The following GRIP1 variants were observed in gnomAD, a reference collection of about 807,000 sequenced individuals.
GRIP1 encodes glutamate receptor-interacting protein 1.
Under a neutral mutation model 129.9 loss-of-function variants are expected in GRIP1, and 45 were observed. The ratio of observed to expected loss-of-function variants is 0.35; its 90% CI spans 0.27 to 0.44. The LOEUF is 0.44. GRIP1 is among the 20% of genes least tolerant of loss of function. The pLI, the probability that GRIP1 is intolerant of heterozygous loss-of-function variation, is 1.00. For synonymous variants in GRIP1, 530 were observed against 520.8 expected (o/e 1.02, Z -0.24); for missense variants, 1,196 against 1,396.8 (o/e 0.86, Z 2.29).
At chr12:67,044,857 G>A (rs1290157295) in intron 1 of GRIP1, among the ~76,000 whole-genome samples, 1 of 152,124 alleles carries the variant, frequency 6.6e-6, no homozygotes, top group Non-Finnish European at 1.5e-5. Context: ...GAAATAGCCA[G>A]CACTATAGTA....
At chr12:67,040,570 T>C (rs578169702) in intron 1 of GRIP1, among the ~76,000 whole-genome samples, 1 of 152,292 alleles carries the variant, frequency 6.6e-6, no homozygotes, top group African/African-American at 2.4e-5. Flanking sequence ...TTTACGTGTT[T>C]AGACAGGGAG....
At chr12:66,800,384 C>T (rs1458484428) in intron 1 of GRIP1, among the ~76,000 whole-genome samples, 5 of 152,014 alleles carry the variant, frequency 3.3e-5, no homozygotes, top group African/African-American at 7.3e-5. Context: ...GTATAAGATG[C>T]TAGCGCTGTA....
chr12:66,352,284 A>G (rs1213174686), intron 24 of GRIP1, among the ~76,000 whole-genome samples: 1 of 152,212 alleles, frequency 6.6e-6, no homozygotes, highest in African/African-American at 2.4e-5. Flanking sequence ...TTTAAGTCGC[A>G]GCATGTGAGC....
chr12:67,036,532 T>C (rs973083671), intron 1 of GRIP1, among the ~76,000 whole-genome samples: 1 of 152,056 alleles, frequency 6.6e-6, no homozygotes, highest in African/African-American at 2.4e-5. Context: ...GGTTTCATCA[T>C]GTTGGCCAGG....
intron 1 of GRIP1, among the ~76,000 whole-genome samples, chr12:66,781,492 A>G (rs2073395014): frequency 6.6e-6 from 1 of 152,212 alleles, no homozygotes. Context: ...TACAGTTCAT[A>G]TACCAAAAAA....
chr12:66,900,923 G>A (rs147571196), intron 1 of GRIP1, among the ~76,000 whole-genome samples: 11 of 152,272 alleles, frequency 7.2e-5, no homozygotes, highest in Admixed American at 5.2e-4. Flanking sequence ...AAATACTTTC[G>A]GTCTTGGCTC....
intron 7 of GRIP1, among the ~76,000 whole-genome samples, chr12:66,476,359 T>C (rs573294359): frequency 1.5e-4 from 23 of 152,248 alleles, no homozygotes; most frequent in African/African-American, 5.5e-4. Context: ...GGCTCTGAAA[T>C]TGAAGCAATA....
At chr12:66,633,307 T>C (rs1051132420) in intron 1 of GRIP1, among the ~76,000 whole-genome samples, 4 of 148,246 alleles carry the variant, frequency 2.7e-5, no homozygotes, top group Non-Finnish European at 5.9e-5. Context: ...TACTACACTA[T>C]ACTATACTAT....
chr12:66,671,686 C>T (rs550041834), intron 1 of GRIP1, among the ~76,000 whole-genome samples: 1 of 152,308 alleles, frequency 6.6e-6, no homozygotes, highest in East Asian at 1.9e-4. Context: ...GGCTGCTTCT[C>T]GCCTCTCCTT....
chr12:67,004,793 C>T (rs975957607), intron 1 of GRIP1, among the ~76,000 whole-genome samples: 4 of 151,918 alleles, frequency 2.6e-5, no homozygotes, highest in Non-Finnish European at 4.4e-5. Context: ...GAGTTGGGAA[C>T]GGAATTCATT....
chr12:66,987,722 A>C (rs1413130968), intron 1 of GRIP1, among the ~76,000 whole-genome samples: 4 of 152,234 alleles, frequency 2.6e-5, no homozygotes, highest in African/African-American at 7.2e-5. Flanking sequence ...TCATAAGGCC[A>C]CAGTGTGTCA....
At chr12:66,452,638 C>T (rs761905146) in intron 11 of GRIP1, among the ~76,000 whole-genome samples, 2 of 151,856 alleles carry the variant, frequency 1.3e-5, no homozygotes, top group Non-Finnish European at 2.9e-5. Flanking sequence ...CATGATTCAC[C>T]ATCTACACAA....
At chr12:66,545,490 C>T (rs2061920799) in intron 2 of GRIP1, among the ~76,000 whole-genome samples, 1 of 152,080 alleles carries the variant, frequency 6.6e-6, no homozygotes, top group Non-Finnish European at 1.5e-5. Flanking sequence ...GAAGAGAAGG[C>T]CCCATTTACA....
intron 1 of GRIP1, among the ~76,000 whole-genome samples, chr12:66,708,782 T>C (rs1011958663): frequency 8.0e-6 from 1 of 125,544 alleles, no homozygotes; most frequent in Non-Finnish European, 1.8e-5. Context: ...AACCCATCAC[T>C]TACATTTTAA....
chr12:66,878,547 G>A (rs751999047), intron 1 of GRIP1, among the ~76,000 whole-genome samples: 40 of 152,036 alleles, frequency 2.6e-4, no homozygotes, highest in Admixed American at 1.2e-3. Flanking sequence ...AGGTAGGGGA[G>A]AAAATAAAGG....
At chr12:66,597,210 G>A (rs1201429212) in intron 1 of GRIP1, among the ~76,000 whole-genome samples, 1 of 152,182 alleles carries the variant, frequency 6.6e-6, no homozygotes, top group African/African-American at 2.4e-5. Context: ...GAAACGGTAA[G>A]AAGTATGCAA....
At position 66,349,145 on chromosome 12, in the gene GRIP1, C is replaced by T; in HGVS notation, c.3261G>A (p.Leu1087=). Residue 1087 remains leucine, a synonymous_variant, in exon 25 of 25, where the codon CTG becomes CTA. Transcript: ENST00000359742. ...GTTGGTCTATAGACTTCTGTGAAGC[C>T]AGTGGGTTTCTACTAATAACCAGGT... is the stretch of plus-strand genomic sequence containing the variant. ...KLDLVISRNP[L]ASQKSIDQQS... is the part of the protein sequence containing the mutation. 6.2e-7 allele frequency: 1 copy of T among 1,613,916 alleles called. No homozygotes were observed. Among genetic ancestry groups the T allele is most frequent in the Non-Finnish European group, 8.5e-7 (1 of 1,179,800 alleles).
intron 1 of GRIP1, among the ~76,000 whole-genome samples, chr12:66,810,224 C>T (rs986225939): frequency 6.6e-6 from 1 of 152,072 alleles, no homozygotes; most frequent in Non-Finnish European, 1.5e-5. Context: ...ACAGTATTAG[C>T]TTCTAGGCTC....
chr12:66,874,622 AC>A (rs1209220538), intron 1 of GRIP1, among the ~76,000 whole-genome samples: 1 of 152,080 alleles, frequency 6.6e-6, no homozygotes, highest in Non-Finnish European at 1.5e-5. Context: ...CTAGCACTTC[AC>A]ATGGCCGGAG....
Sources: allele counts gnomAD v4.1 joint callset (sites outside exome capture counted in the v4.1 genomes callset), GRCh38; gene constraint gnomAD v4.1.1; transcripts MANE v1.5; gene names NCBI Gene and HGNC (gene_info 2026-07-23, HGNC 2026-07-21).